The following PCDH15 variants were observed in gnomAD, a reference collection of about 807,000 sequenced individuals.
The protein encoded by PCDH15 is protocadherin related 15.
Under a neutral mutation model 178.5 loss-of-function variants are expected in PCDH15, and 129 were observed. The ratio of observed to expected loss-of-function variants is 0.72; its 90% CI spans 0.63 to 0.84. PCDH15 has a LOEUF of 0.84. Ranked by LOEUF, PCDH15 falls within the 40% of genes least tolerant of loss-of-function variation. The probability of loss-of-function intolerance (pLI) is 0.00; values close to 1 mark genes in which losing one functional copy is unlikely to be tolerated. For missense variants in PCDH15, 2,230 were observed against 2,099.9 expected (o/e 1.06, Z -1.21); for synonymous variants, 800 against 732.0 (o/e 1.09, Z -1.50).
chr10:55,475,530 G>T (rs956015538), intron 2 of PCDH15, among the ~76,000 whole-genome samples: 8 of 152,010 alleles, frequency 5.3e-5, no homozygotes, highest in African/African-American at 1.7e-4. Flanking sequence ...TTTGAGTCCT[G>T]GTATGATGCC....
intron 25 of PCDH15, among the ~76,000 whole-genome samples, chr10:53,906,530 G>T (rs757249756): frequency 6.6e-6 from 1 of 151,928 alleles, no homozygotes; most frequent in Non-Finnish European, 1.5e-5. Flanking sequence ...CTTAATTTTT[G>T]TTGAACAAAA....
chr10:55,561,490 T>C (rs910562714), intron 2 of PCDH15, among the ~76,000 whole-genome samples: 7 of 151,926 alleles, frequency 4.6e-5, no homozygotes, highest in Non-Finnish European at 1.0e-4. Flanking sequence ...ATGATAATAA[T>C]ATTTTTTCAG....
At chr10:54,695,921 A>G (rs1046588699) in intron 1 of PCDH15, among the ~76,000 whole-genome samples, 2 of 152,156 alleles carry the variant, frequency 1.3e-5, no homozygotes, top group Middle Eastern at 6.8e-3. Flanking sequence ...CAATGCACCT[A>G]GTCACCCATA....
intron 1 of PCDH15, among the ~76,000 whole-genome samples, chr10:55,174,286 C>T (rs1839419203): frequency 2.6e-5 from 4 of 152,080 alleles, no homozygotes; most frequent in African/African-American, 7.2e-5. Context: ...CCCACTGAAA[C>T]CCGATCTTGA....
intron 1 of PCDH15, among the ~76,000 whole-genome samples, chr10:55,270,714 C>T (rs1339788313): frequency 6.6e-6 from 1 of 152,160 alleles, no homozygotes; most frequent in African/African-American, 2.4e-5. Context: ...TTTGTTCAGC[C>T]ACTGTGGAAA....
At chr10:54,963,831 G>C (rs1335236122) in intron 2 of PCDH15, among the ~76,000 whole-genome samples, 1 of 152,120 alleles carries the variant, frequency 6.6e-6, no homozygotes, top group Non-Finnish European at 1.5e-5. Flanking sequence ...TGTTGTTCTA[G>C]GTCCCATTTC....
chr10:55,007,352 T>C (rs920896266), intron 2 of PCDH15, among the ~76,000 whole-genome samples: 1 of 151,012 alleles, frequency 6.6e-6, no homozygotes, highest in African/African-American at 2.4e-5. Context: ...AGAGAAAACA[T>C]ACTTTCAGAA....
intron 2 of PCDH15, among the ~76,000 whole-genome samples, chr10:55,466,722 G>T (rs1020235554): frequency 6.6e-6 from 1 of 152,092 alleles, no homozygotes; most frequent in African/African-American, 2.4e-5. Context: ...ATACAGGAAG[G>T]AACTGAAATC....
At chr10:54,847,378 T>C (rs1160715133) in intron 3 of PCDH15, among the ~76,000 whole-genome samples, 4 of 152,198 alleles carry the variant, frequency 2.6e-5, no homozygotes, top group African/African-American at 9.6e-5. Flanking sequence ...TTAATTGTCT[T>C]ATATTTTAAT....
intron 2 of PCDH15, among the ~76,000 whole-genome samples, chr10:55,607,872 C>A (rs1843265352): frequency 6.6e-6 from 1 of 151,178 alleles, no homozygotes. Context: ...ACATTGTGCA[C>A]ATGTACCCTA....
chr10:53,823,458 A>AAAAC (rs1463605552), intron 32 of PCDH15: 1 of 1,138,930 alleles, frequency 8.8e-7, no homozygotes, highest in African/African-American at 1.5e-5. Flanking sequence ...TAAATACTTA[A>AAAAC]AAACATCAAA....
In PCDH15 at chr10:53,811,583, C is replaced by T. The variant is rs1218534475; in HGVS notation, c.4528G>A (p.Glu1510Lys). 1.1e-5 allele frequency: 18 copies of T among 1,571,906 alleles called. No individual in the cohort carries two copies. The highest frequency in any genetic ancestry group is 1.6e-5 in the Non-Finnish European group (18 of 1,159,130). ...TAACTGTAATAATCTTGTCCATATT[C>T]CTGGCCAGGATCAATTCCAGACTCC... ...SMESGIDPGQEYGQDYYSYEH... is the reference protein window; with the variant it reads ...SMESGIDPGQKYGQDYYSYEH... The change falls in exon 36 of 38, where the codon GAA (glutamate) becomes AAA (lysine). Residue 1510 changes from glutamate (E) to lysine (K), a missense_variant. Physicochemically the swap from Glu to Lys is moderately conservative, Grantham distance 56. Transcript: ENST00000644397.
At chr10:54,202,538 C>T (rs528514539) in intron 10 of PCDH15, among the ~76,000 whole-genome samples, 26 of 152,104 alleles carry the variant, frequency 1.7e-4, no homozygotes, top group African/African-American at 5.8e-4. Context: ...CTGGGCCAGG[C>T]GCAGTGTCTC....
chr10:53,818,076 G>T lies in PCDH15; in HGVS notation c.4434-63C>A. 7.5e-6 allele frequency: 3 copies of T among 397,428 alleles called. No individual in the cohort carries two copies. The South Asian group carries it at 3.9e-4, about 51-fold the overall frequency. 24.6% of individuals were successfully genotyped at this position (397,428 alleles called of 1,614,324 possible). ...TTAGATTTTCGTTATTAAACAAAAT[G>T]ACTGACAGATAAGGGCTTTAAAAAA... On this transcript the variant is annotated intron_variant, in intron 33 of 37. Coordinates refer to ENST00000644397, the MANE Select transcript of PCDH15 (RefSeq NM_001384140.1).
In PCDH15 at chr10:53,825,727, G is replaced by C. The variant is rs535748222; in HGVS notation, c.4367+1666C>G. ...TCATTTAAAACTAATTCATTTTCTA[G>C]TAACTTAATGCTTAGAATTCCTGTA... On this transcript the variant is annotated intron_variant, in intron 32 of 37. Transcript: ENST00000644397. Among the ~76,000 whole-genome samples, 25 of 151,382 alleles carry C rather than the reference G, an allele frequency of 1.7e-4. No homozygotes were observed. The South Asian group carries it at 5.2e-3, about 32-fold the overall frequency.
intron 3 of PCDH15, among the ~76,000 whole-genome samples, chr10:54,500,283 A>T (rs9416371): frequency 6.6e-6 from 1 of 151,664 alleles, no homozygotes; most frequent in Non-Finnish European, 1.5e-5. Flanking sequence ...CAATAAAAAC[A>T]AGGGCCTACT....
intron 2 of PCDH15, among the ~76,000 whole-genome samples, chr10:55,422,732 G>A (rs1041869570): frequency 5.3e-5 from 8 of 151,744 alleles, no homozygotes; most frequent in African/African-American, 1.7e-4. Flanking sequence ...TGTTGTGCTC[G>A]GCATGGGAAG....
intron 9 of PCDH15, among the ~76,000 whole-genome samples, chr10:54,222,826 T>A (rs1386110622): frequency 6.6e-6 from 1 of 152,252 alleles, no homozygotes; most frequent in African/African-American, 2.4e-5. Flanking sequence ...TTGTCTCATT[T>A]TTATTAAATT....
At chr10:55,253,351 C>T (rs1003701513) in intron 1 of PCDH15, among the ~76,000 whole-genome samples, 1 of 152,002 alleles carries the variant, frequency 6.6e-6, no homozygotes, top group African/African-American at 2.4e-5. Context: ...AAAAGCTGAG[C>T]TGGACAACTC....
Sources: allele counts gnomAD v4.1 joint callset (sites outside exome capture counted in the v4.1 genomes callset), GRCh38; gene constraint gnomAD v4.1.1; transcripts MANE v1.5; gene names NCBI Gene and HGNC (gene_info 2026-07-23, HGNC 2026-07-21).